The following METTL15 variants were observed in gnomAD, a reference collection of about 807,000 sequenced individuals.
The protein encoded by METTL15 is 12S rRNA N(4)-cytidine methyltransferase METTL15.
In METTL15, 34 loss-of-function variants were observed where a neutral mutation model predicts 38.3. The observed-to-expected ratio is 0.89, with a 90% CI of 0.68 to 1.18. METTL15 has a LOEUF of 1.18. METTL15 is among the 50% of genes most tolerant of loss of function. METTL15 has a pLI of 0.00. For missense variants in METTL15, 438 were observed against 498.4 expected, an observed-to-expected ratio of 0.88 and a Z score of 1.15; for synonymous variants, 162 against 170.9, an observed-to-expected ratio of 0.95 and a Z score of 0.41.
chr11:28,208,267 A>G (rs796601484), intron 3 of METTL15, among the ~76,000 whole-genome samples: 22 of 152,214 alleles, frequency 1.4e-4, no homozygotes, highest in African/African-American at 5.1e-4. Flanking sequence ...ATTTCCCTCT[A>G]TACTCTGCTT....
chr11:28,346,984 G>C (rs1235503863), intron 3 of METTL15, among the ~76,000 whole-genome samples: 2 of 152,178 alleles, frequency 1.3e-5, no homozygotes, highest in Non-Finnish European at 2.9e-5. Flanking sequence ...ATGTAGTCAT[G>C]GCTCAGCTCA....
Position 28,433,163 on chromosome 11 carries a change from G to GTTTTT in METTL15, c.*424+8803_*424+8807dup, listed in dbSNP as rs1209820099. On this transcript the variant is annotated intron_variant and NMD_transcript_variant, in intron 6 of 7. Coordinates refer to the METTL15 transcript ENST00000532947. Reference sequence around the variant, plus strand: ...CAGGACTTCTCTCAGGTTTTGTTTTGTTTTTTTTGTTTTTTTTTGGCTCTG... The same window carrying GTTTTT: ...CAGGACTTCTCTCAGGTTTTGTTTTGTTTTTTTTTTTTTGTTTTTTTTTGGCTCTG... 2.6e-4 allele frequency among the ~76,000 whole-genome samples: 24 copies of GTTTTT among 93,790 alleles called. 1 individual carries two copies. The highest frequency in any genetic ancestry group is 3.2e-4 in the Non-Finnish European group (11 of 34,804). 61.5% of individuals were successfully genotyped at this position (93,790 alleles called of 152,430 possible).
At chr11:28,221,707 A>T (rs368552920) in intron 4 of METTL15, among the ~76,000 whole-genome samples, 6 of 152,116 alleles carry the variant, frequency 3.9e-5, no homozygotes, top group East Asian at 3.9e-4. Flanking sequence ...GTCTTTGATG[A>T]TGGTGATGTA....
Position 28,330,807 on chromosome 11 carries a change from G to A in METTL15, c.1190G>A (p.Arg397His), listed in dbSNP as rs185066046. Residue 397 changes from arginine (R) to histidine (H), a missense_variant, in exon 7 of 7, where the codon CGC becomes CAC. Coordinates refer to ENST00000407364, the MANE Select transcript of METTL15 (RefSeq NM_001113528.2). ...GATGTACAAGATAACCCCAGAGGGC[G>A]CTCAGCCAAGCTTAGAGCAGCTATC... ...DQDVQDNPRGRSAKLRAAIKL is the reference protein window; with the variant it reads ...DQDVQDNPRGHSAKLRAAIKL 3.0e-4 allele frequency: 462 copies of A among 1,550,438 alleles called. 1 individual carries two copies. The African/African-American group carries it at 4.6e-3, about 15-fold the overall frequency.
chr11:28,288,219 T>G (rs1207965714), intron 4 of METTL15, among the ~76,000 whole-genome samples: 2 of 152,110 alleles, frequency 1.3e-5, no homozygotes, highest in African/African-American at 2.4e-5. Flanking sequence ...GTAGTGGAAG[T>G]GTAAATTAGC....
chr11:28,471,263 A>G (rs1004472935), intron 6 of METTL15, among the ~76,000 whole-genome samples: 5 of 152,182 alleles, frequency 3.3e-5, no homozygotes, highest in Admixed American at 3.3e-4. Flanking sequence ...TAAGACATAC[A>G]GCATTCCTTG....
intron 3 of METTL15, among the ~76,000 whole-genome samples, chr11:28,210,829 G>A (rs1852602283): frequency 6.6e-6 from 1 of 151,974 alleles, no homozygotes; most frequent in African/African-American, 2.4e-5. Flanking sequence ...GAATTAGCCA[G>A]TCTGTGTTAG....
chr11:28,119,630 T>C (rs1390508721), intron 3 of METTL15, among the ~76,000 whole-genome samples: 6 of 152,232 alleles, frequency 3.9e-5, no homozygotes, highest in African/African-American at 2.4e-5. Context: ...TTTTAAGTTA[T>C]AATGTTTAGT....
intron 6 of METTL15, among the ~76,000 whole-genome samples, chr11:28,519,530 G>C (rs1264909259): frequency 6.6e-6 from 1 of 150,526 alleles, no homozygotes; most frequent in Non-Finnish European, 1.5e-5. Context: ...ACTCCAGCCT[G>C]GGCGACAGAG....
At chr11:28,444,259 G>A (rs923370807) in intron 6 of METTL15, among the ~76,000 whole-genome samples, 1 of 152,128 alleles carries the variant, frequency 6.6e-6, no homozygotes, top group Non-Finnish European at 1.5e-5. Context: ...AGGCTGTATA[G>A]CTACATACTG....
chr11:28,221,065 C>A (rs1296513788), intron 4 of METTL15, among the ~76,000 whole-genome samples: 1 of 152,090 alleles, frequency 6.6e-6, no homozygotes, highest in Non-Finnish European at 1.5e-5. Flanking sequence ...CGTGGAGTAT[C>A]TTTGTGGTGT....
At chr11:28,299,950 T>G (rs1856858279) in intron 6 of METTL15, among the ~76,000 whole-genome samples, 1 of 152,084 alleles carries the variant, frequency 6.6e-6, no homozygotes, top group Non-Finnish European at 1.5e-5. Context: ...TGGGCATCTG[T>G]CTTTGTGCCC....
At chr11:28,125,632 T>C (rs1275739328) in intron 3 of METTL15, 5 of 152,100 alleles carry the variant, frequency 3.3e-5, no homozygotes, top group Admixed American at 1.3e-4. Context: ...ACTGTACTTC[T>C]GTAATAAAGG....
intron 4 of METTL15, among the ~76,000 whole-genome samples, chr11:28,271,319 G>A (rs1310218494): frequency 6.6e-6 from 1 of 152,086 alleles, no homozygotes; most frequent in Non-Finnish European, 1.5e-5. Context: ...AAAATCATGT[G>A]GTTTCAGATT....
chr11:28,459,278 T>C (rs1350187441), intron 6 of METTL15, among the ~76,000 whole-genome samples: 6 of 152,200 alleles, frequency 3.9e-5, no homozygotes, highest in African/African-American at 1.4e-4. Flanking sequence ...ACAATATCAT[T>C]TTCTGTCTTC....
intron 3 of METTL15, among the ~76,000 whole-genome samples, chr11:28,167,388 C>T (rs979364587): frequency 2.0e-5 from 3 of 152,114 alleles, no homozygotes; most frequent in Non-Finnish European, 4.4e-5. Context: ...CAACCAGGGT[C>T]GTGCCACCAA....
chr11:28,207,618 C>T (rs934261712), intron 3 of METTL15, among the ~76,000 whole-genome samples: 1 of 152,108 alleles, frequency 6.6e-6, no homozygotes, highest in Non-Finnish European at 1.5e-5. Flanking sequence ...ATGATGCTGG[C>T]CTCATAAAAT....
At chr11:28,405,894 G>A (rs1464208003) in intron 5 of METTL15, among the ~76,000 whole-genome samples, 1 of 152,118 alleles carries the variant, frequency 6.6e-6, no homozygotes, top group African/African-American at 2.4e-5. Context: ...TGTCAGGTTT[G>A]TTGAAGAAAG....
chr11:28,513,641 C>G (rs1236535918), intron 6 of METTL15, among the ~76,000 whole-genome samples: 1 of 152,162 alleles, frequency 6.6e-6, no homozygotes, highest in East Asian at 1.9e-4. Context: ...ATTTACCCAC[C>G]TATTTATTAA....
Sources: allele counts gnomAD v4.1 joint callset (sites outside exome capture counted in the v4.1 genomes callset), GRCh38; gene constraint gnomAD v4.1.1; transcripts MANE v1.5; gene names NCBI Gene and HGNC (gene_info 2026-07-23, HGNC 2026-07-21).